Variants in SPIN1 observed in about 807,000 individuals in gnomAD.
The protein encoded by SPIN1 is spindlin 1.
SPIN1 carries 3 observed loss-of-function variants against 26.0 expected under a neutral mutation model. The ratio of observed to expected loss-of-function variants is 0.12; its 90% CI spans 0.05 to 0.30. The LOEUF is 0.30. Among genes scored for constraint, SPIN1 ranks in the 10% least tolerant of loss-of-function variants. SPIN1 has a pLI of 1.00. For synonymous variants in SPIN1, 101 were observed against 116.5 expected (o/e 0.87, Z 0.86); for missense variants, 126 against 333.4 (o/e 0.38, Z 4.84).
intron 1 of SPIN1, among the ~76,000 whole-genome samples, chr9:88,405,556 T>TTTTC (rs756156368): frequency 6.9e-6 from 1 of 144,500 alleles, no homozygotes; most frequent in African/African-American, 2.6e-5. Flanking sequence ...TTTTTTTTTT[T>TTTTC]CCCTGAGACA....
chr9:88,468,978 C>G (rs574566906), intron 5 of SPIN1, among the ~76,000 whole-genome samples: 7 of 152,098 alleles, frequency 4.6e-5, no homozygotes, highest in Admixed American at 3.9e-4. Flanking sequence ...ATCTGTTAGT[C>G]CCCCCAGTGC....
intron 1 of SPIN1, among the ~76,000 whole-genome samples, chr9:88,421,477 C>T (rs959713499): frequency 3.9e-5 from 6 of 152,032 alleles, no homozygotes; most frequent in African/African-American, 1.4e-4. Context: ...CCACAGCTAT[C>T]CTTACTGTGT....
chr9:88,471,161 G>A (rs1828775496), intron 5 of SPIN1, among the ~76,000 whole-genome samples: 1 of 152,004 alleles, frequency 6.6e-6, no homozygotes, highest in Admixed American at 6.6e-5. Context: ...AGAATCTTTT[G>A]CCAAATCTGA....
At chr9:88,418,226 C>G (rs1275438778) in intron 1 of SPIN1, among the ~76,000 whole-genome samples, 2 of 152,170 alleles carry the variant, frequency 1.3e-5, no homozygotes, top group East Asian at 1.9e-4. Context: ...CCCTGGAAAT[C>G]AAACCACTTC....
At chr9:88,417,778 C>T (rs1827596340) in intron 1 of SPIN1, among the ~76,000 whole-genome samples, 1 of 152,140 alleles carries the variant, frequency 6.6e-6, no homozygotes, top group Non-Finnish European at 1.5e-5. Context: ...CAGCCAAGTC[C>T]AGGTTATGTT....
intron 5 of SPIN1, among the ~76,000 whole-genome samples, chr9:88,472,102 T>C (rs1828802176): frequency 6.6e-6 from 1 of 152,010 alleles, no homozygotes; most frequent in Non-Finnish European, 1.5e-5. Context: ...CCCCGGCCCC[T>C]CCTTTCTTTT....
At chr9:88,405,536 CTTT>C (rs757565862) in intron 1 of SPIN1, among the ~76,000 whole-genome samples, 5 of 110,726 alleles carry the variant, frequency 4.5e-5, no homozygotes, top group African/African-American at 8.2e-5. Flanking sequence ...CTGTACTATC[CTTT>C]TTTTTTTTTT....
At chr9:88,457,968 G>C in intron 3 of SPIN1, 1 of 985,334 alleles carries the variant, frequency 1.0e-6, no homozygotes, top group Non-Finnish European at 1.2e-6. Flanking sequence ...AGCCAGGTAA[G>C]GTTTTAAGTT....
rs773534271 is a variant in SPIN1, at chr9:88,468,487, A to G, written c.471A>G (p.Ala157=). 2 of 1,613,900 alleles carry G rather than the reference A, an allele frequency of 1.2e-6. No individual in the cohort carries two copies. Among genetic ancestry groups the G allele is most frequent in the Non-Finnish European group, 1.7e-6 (2 of 1,179,916 alleles). ...ATGAGTGGAGGGGAATGGTCTTAGC[A>G]CGTGCACCTGTCATGAACACATGGT... The part of the protein sequence containing the change: ...SKDEWRGMVL[A]RAPVMNTWFY... The change falls in exon 5 of 6, where the codon GCA becomes GCG. Residue 157 remains alanine (A), a synonymous_variant. Coordinates refer to ENST00000375859, the MANE Select transcript of SPIN1 (RefSeq NM_006717.3).
intron 1 of SPIN1, among the ~76,000 whole-genome samples, chr9:88,400,259 GTA>G (rs1359474044): frequency 6.6e-6 from 1 of 152,164 alleles, no homozygotes; most frequent in Non-Finnish European, 1.5e-5. Context: ...CTAAAAGATT[GTA>G]TAGTTTTGCC....
chr9:88,396,531 G>A (rs1827063178), intron 1 of SPIN1, among the ~76,000 whole-genome samples: 1 of 152,214 alleles, frequency 6.6e-6, no homozygotes, highest in East Asian at 1.9e-4. Context: ...GAACCTGGGA[G>A]GCGGAGGCTG....
intron 1 of SPIN1, among the ~76,000 whole-genome samples, chr9:88,414,934 C>T (rs574818437): frequency 1.3e-5 from 2 of 152,176 alleles, no homozygotes; most frequent in East Asian, 1.9e-4. Flanking sequence ...GATGGAGTCT[C>T]GCTGTGTCAC....
At chr9:88,474,371 C>T (rs1828848496) in intron 5 of SPIN1, among the ~76,000 whole-genome samples, 1 of 152,112 alleles carries the variant, frequency 6.6e-6, no homozygotes, top group African/African-American at 2.4e-5. Flanking sequence ...AGAGGCAGTA[C>T]ATTAATCTTG....
At chr9:88,419,027 TC>T (rs1341567582) in intron 1 of SPIN1, 1 of 152,200 alleles carries the variant, frequency 6.6e-6, no homozygotes, top group Non-Finnish European at 1.5e-5. Context: ...GAATTTAAGT[TC>T]ATGACACATT....
At position 88,475,418 on chromosome 9, in the gene SPIN1, T is replaced by C. The variant is rs1486166000; in HGVS notation, c.*141T>C. Reference sequence around the variant, plus strand: ...TCTCTGCCAGCAGAACTGGTTTTGTTCTGAATAGTACAGATTGATGTGAAC... The same window carrying C: ...TCTCTGCCAGCAGAACTGGTTTTGTCCTGAATAGTACAGATTGATGTGAAC... On this transcript the variant is annotated 3_prime_UTR_variant, in exon 6 of 6. Transcript: ENST00000375859. The C allele has an allele frequency of 2.5e-6, 2 of 806,486 alleles. No homozygotes were observed. The highest frequency in any genetic ancestry group is 3.9e-6 in the Non-Finnish European group (2 of 511,928). 50.0% of individuals were successfully genotyped at this position (806,486 alleles called of 1,614,324 possible).
chr9:88,451,330 C>T lies in SPIN1; in HGVS notation c.101+2341C>T, dbSNP rs559419664. ...GAACTGCACTGAGTGAGCAATAGCACCTGTCCCCGAAGGTGTTAGGAAGGT... is the reference window on the plus strand; with the variant it reads ...GAACTGCACTGAGTGAGCAATAGCATCTGTCCCCGAAGGTGTTAGGAAGGT... On this transcript the variant is annotated intron_variant, in intron 3 of 5. Coordinates refer to ENST00000375859, the MANE Select transcript of SPIN1 (RefSeq NM_006717.3). Among the ~76,000 whole-genome samples, 3 of 152,252 alleles carry T rather than the reference C, an allele frequency of 2.0e-5. No individual in the cohort carries two copies. In the East Asian group the frequency reaches 5.8e-4, roughly 29 times the overall value.
chr9:88,434,358 TTATAAAATAGTTTATTTTATAAA>T (rs1376350782), intron 2 of SPIN1, among the ~76,000 whole-genome samples: 6 of 135,628 alleles, frequency 4.4e-5, no homozygotes, highest in African/African-American at 2.2e-4. Context: ...ATTTTATAAA[TTATAAAATAGTTTATTTTATAAA>T]TTATAAAATA....
intron 5 of SPIN1, among the ~76,000 whole-genome samples, chr9:88,469,269 G>A (rs1266020610): frequency 2.0e-5 from 3 of 152,190 alleles, no homozygotes; most frequent in African/African-American, 7.2e-5. Flanking sequence ...AGCTCAGACG[G>A]CAGTGCTCTC....
chr9:88,412,073 G>A (rs1020293796), intron 1 of SPIN1, among the ~76,000 whole-genome samples: 1 of 151,938 alleles, frequency 6.6e-6, no homozygotes, highest in Non-Finnish European at 1.5e-5. Flanking sequence ...CAGCTACTCG[G>A]GAGGCTGAGG....
Sources: gnomAD v4.1 joint callset for allele counts (sites outside exome capture counted in the v4.1 genomes callset) on GRCh38, gnomAD v4.1.1 for gene constraint, MANE v1.5 for transcripts, NCBI Gene and HGNC (gene_info 2026-07-23, HGNC 2026-07-21) for gene names.